Variants in MYO1D observed in about 807,000 individuals in gnomAD.
MYO1D encodes the protein unconventional myosin-Id.
A neutral mutation model predicts 122.0 loss-of-function variants in MYO1D; 83 were observed. That is an observed-to-expected ratio of 0.68 (90% CI 0.57 to 0.82). The LOEUF is 0.82. MYO1D is among the 40% of genes least tolerant of loss of function. The pLI is 0.00. For synonymous variants in MYO1D, 464 were observed against 446.9 expected (o/e 1.04, Z -0.48); for missense variants, 1,157 against 1,269.5 (o/e 0.91, Z 1.35).
chr17:32,551,353 T>C (rs2150884306), intron 21 of MYO1D, among the ~76,000 whole-genome samples: 1 of 152,300 alleles, frequency 6.6e-6, no homozygotes, highest in East Asian at 1.9e-4. Context: ...AATGAGTCAC[T>C]TACAAAAGAC....
intron 21 of MYO1D, among the ~76,000 whole-genome samples, chr17:32,571,575 C>G (rs569938854): frequency 3.3e-5 from 5 of 152,212 alleles, no homozygotes; most frequent in African/African-American, 1.2e-4. Context: ...AGGGTGGAAA[C>G]TTCTATAAGT....
chr17:32,499,648 T>A (rs1456079381), intron 21 of MYO1D, among the ~76,000 whole-genome samples: 2 of 148,778 alleles, frequency 1.3e-5, no homozygotes, highest in South Asian at 2.1e-4. Context: ...AATAAAAAAA[T>A]AAAAAAAAAT....
chr17:32,749,616 A>G (rs2089878170), intron 11 of MYO1D, among the ~76,000 whole-genome samples: 1 of 152,264 alleles, frequency 6.6e-6, no homozygotes, highest in South Asian at 2.1e-4. Flanking sequence ...AGTCCCACCT[A>G]GTCGGGAGGC....
rs1452524040 is a variant in MYO1D, at chr17:32,760,422, A to C, written c.1182-18T>G. On this transcript the variant is annotated intron_variant, in intron 9 of 21. Transcript: ENST00000318217. ...GTTCAAAACTACAAGAAAAGGAATA[A>C]ATTAAGTTTCAACAAATAGAAAACA... 6.2e-7 allele frequency: 1 copy of C among 1,604,808 alleles called. No homozygotes were observed. The highest frequency in any genetic ancestry group is 1.3e-5 in the African/African-American group (1 of 74,638).
intron 15 of MYO1D, among the ~76,000 whole-genome samples, chr17:32,713,188 A>T (rs1047449693): frequency 4.6e-5 from 7 of 152,142 alleles, no homozygotes; most frequent in South Asian, 2.1e-4. Context: ...CATTTTTCAC[A>T]TTTAGATTTC....
chr17:32,495,486 G>C (rs9916217), intron 21 of MYO1D: 31,047 of 152,280 alleles, frequency 0.2, 3,454 homozygotes, highest in Middle Eastern at 0.32. Context: ...GCCCCACCGG[G>C]GGCTGCAGGG....
intron 20 of MYO1D, among the ~76,000 whole-genome samples, chr17:32,629,049 A>C (rs1452714302): frequency 6.6e-6 from 1 of 152,234 alleles, no homozygotes; most frequent in African/African-American, 2.4e-5. Context: ...AAAAAAACAA[A>C]ATGTGCCAAC....
intron 14 of MYO1D, among the ~76,000 whole-genome samples, chr17:32,736,229 G>A (rs1042115827): frequency 6.6e-6 from 1 of 151,946 alleles, no homozygotes; most frequent in African/African-American, 2.4e-5. Context: ...AGATTGCTAG[G>A]CTAGTTCCCT....
At chr17:32,696,895 T>A (rs1292125698) in intron 16 of MYO1D, among the ~76,000 whole-genome samples, 1 of 152,252 alleles carries the variant, frequency 6.6e-6, no homozygotes, top group Non-Finnish European at 1.5e-5. Context: ...TAACCCACTA[T>A]AATGTCAAGT....
chr17:32,800,927 AG>A (rs1210614092), intron 1 of MYO1D, among the ~76,000 whole-genome samples: 5 of 152,320 alleles, frequency 3.3e-5, no homozygotes, highest in Middle Eastern at 6.8e-3. Context: ...TAAATATTTC[AG>A]GTGACAGATA....
At chr17:32,531,027 G>T (rs1392588264) in intron 21 of MYO1D, among the ~76,000 whole-genome samples, 1 of 152,016 alleles carries the variant, frequency 6.6e-6, no homozygotes, top group Non-Finnish European at 1.5e-5. Flanking sequence ...CTCCCTCACT[G>T]CAACCCAGGG....
chr17:32,562,764 G>A (rs767696910), intron 21 of MYO1D, among the ~76,000 whole-genome samples: 6 of 152,212 alleles, frequency 3.9e-5, no homozygotes, highest in Non-Finnish European at 7.4e-5. Context: ...CACCATGCCC[G>A]GACAGGATAT....
intron 13 of MYO1D, among the ~76,000 whole-genome samples, chr17:32,742,387 G>A (rs1194550632): frequency 6.6e-6 from 1 of 152,158 alleles, no homozygotes; most frequent in Non-Finnish European, 1.5e-5. Context: ...CATGCTGTTT[G>A]GTTTCTACAC....
At chr17:32,795,820 G>A (rs1271790865) in intron 1 of MYO1D, among the ~76,000 whole-genome samples, 1 of 151,746 alleles carries the variant, frequency 6.6e-6, no homozygotes, top group Non-Finnish European at 1.5e-5. Flanking sequence ...TAGCAGTTAC[G>A]TCAGACTACG....
At chr17:32,722,031 T>C (rs1267373872) in intron 14 of MYO1D, among the ~76,000 whole-genome samples, 1 of 152,232 alleles carries the variant, frequency 6.6e-6, no homozygotes, top group Non-Finnish European at 1.5e-5. Context: ...TGTAGTTAAA[T>C]TAGGCAGTTT....
chr17:32,759,162 G>A (rs1416722218), intron 10 of MYO1D, among the ~76,000 whole-genome samples: 1 of 152,012 alleles, frequency 6.6e-6, no homozygotes, highest in Non-Finnish European at 1.5e-5. Flanking sequence ...TATTAGGAGA[G>A]TTCATTATTT....
chr17:32,553,461 T>C (rs1305950896), intron 21 of MYO1D, among the ~76,000 whole-genome samples: 1 of 152,132 alleles, frequency 6.6e-6, no homozygotes, highest in African/African-American at 2.4e-5. Flanking sequence ...TTACCAGGGC[T>C]GCGAATGGAC....
intron 1 of MYO1D, among the ~76,000 whole-genome samples, chr17:32,814,316 C>T (rs2090596279): frequency 6.6e-6 from 1 of 152,212 alleles, no homozygotes; most frequent in African/African-American, 2.4e-5. Context: ...TGCACTCCAG[C>T]CTGGCGACAG....
chr17:32,697,353 G>A (rs996545319), intron 16 of MYO1D, among the ~76,000 whole-genome samples: 1 of 152,166 alleles, frequency 6.6e-6, no homozygotes, highest in African/African-American at 2.4e-5. Context: ...GAAAAATACG[G>A]AGTCAATGGC....
Sources: gnomAD v4.1 joint callset for allele counts (sites outside exome capture counted in the v4.1 genomes callset) on GRCh38, gnomAD v4.1.1 for gene constraint, MANE v1.5 for transcripts, NCBI Gene and HGNC (gene_info 2026-07-23, HGNC 2026-07-21) for gene names.